Variants in HAS2 observed in about 807,000 individuals in gnomAD.
The protein encoded by HAS2 is hyaluronan synthase 2, also known as HA synthase 2.
HAS2 carries 16 observed loss-of-function variants against 51.6 expected under a neutral mutation model. The observed-to-expected ratio is 0.31, with a 90% confidence interval of 0.21 to 0.47. The LOEUF is 0.47. Ranked by LOEUF, HAS2 falls within the 20% of genes least tolerant of loss-of-function variation. The pLI is 1.00. For synonymous variants in HAS2, 228 were observed against 235.5 expected (o/e 0.97, Z 0.29); for missense variants, 361 against 662.6 (o/e 0.54, Z 5.00).
intron 2 of HAS2, 63 bp from the exon 3 acceptor site, chr8:121,617,269 A>G: frequency 3.1e-6 from 3 of 982,340 alleles, no homozygotes; most frequent in Non-Finnish European, 4.8e-6. Flanking sequence ...CATTCCCTGT[A>G]GTCAAAATTT....
chr8:121,630,683 T>TTTA (rs753229203), intron 1 of HAS2, among the ~76,000 whole-genome samples: 5 of 152,376 alleles, frequency 3.3e-5, no homozygotes, highest in Non-Finnish European at 5.9e-5. Flanking sequence ...GCTAAATAAG[T>TTTA]TTATTTTAAA....
chr8:121,614,848 T>C lies in HAS2; in HGVS notation c.920A>G (p.Asn307Ser). 1 of 1,614,210 alleles carries C rather than the reference T, an allele frequency of 6.2e-7. No homozygotes were observed. The highest frequency in any genetic ancestry group is 8.5e-7 in the Non-Finnish European group (1 of 1,180,022). Residue 307 changes from asparagine to serine, a missense_variant, in exon 4 of 4, where the codon AAC becomes AGC. Physicochemically the swap from Asn to Ser is conservative, Grantham distance 46 (BLOSUM62 1). Transcript: ENST00000303924. The surrounding 1 kb of genome is among the most constrained non-coding windows in gnomAD (Gnocchi z 7.2). ...EDWYNQEFMG[N>S]QCSFGDDRHL... Reference sequence around the variant, plus strand: ...CCTGTCATCACCAAAGCTACATTGGTTGCCCATAAATTCTTGATTGTACCA... The same window carrying C: ...CCTGTCATCACCAAAGCTACATTGGCTGCCCATAAATTCTTGATTGTACCA...
chr8:121,630,223 G>A (rs758425339), intron 1 of HAS2, among the ~76,000 whole-genome samples: 16 of 151,970 alleles, frequency 1.1e-4, no homozygotes, highest in Non-Finnish European at 2.2e-4. Context: ...ATACATTAAA[G>A]GACAAATAAC....
intron 3 of HAS2, among the ~76,000 whole-genome samples, chr8:121,615,456 C>T (rs1159504116): frequency 6.6e-6 from 1 of 152,226 alleles, no homozygotes; most frequent in East Asian, 1.9e-4. Flanking sequence ...CCTGCCTCAC[C>T]TGGGACTACA....
At chr8:121,630,609 C>A (rs1169627500) in intron 1 of HAS2, among the ~76,000 whole-genome samples, 2 of 152,040 alleles carry the variant, frequency 1.3e-5, no homozygotes, top group African/African-American at 4.8e-5. Flanking sequence ...CATTTTTGGG[C>A]TTTTCTCATA....
At chr8:121,623,505 T>G (rs1231614562) in intron 2 of HAS2, among the ~76,000 whole-genome samples, 2 of 152,122 alleles carry the variant, frequency 1.3e-5, no homozygotes, top group African/African-American at 4.8e-5. Context: ...AAAAGGCAGA[T>G]TAAAAGTGAG....
At chr8:121,640,683 A>G (rs1813081929) in intron 1 of HAS2, among the ~76,000 whole-genome samples, 170 bp downstream of exon 1, 1 of 152,192 alleles carries the variant, frequency 6.6e-6, no homozygotes, top group Non-Finnish European at 1.5e-5. Context: ...GCTAAGCCTG[A>G]CAGTGACCTG....
At chr8:121,626,559 C>T (rs1812856417) in intron 2 of HAS2, among the ~76,000 whole-genome samples, 1 of 152,222 alleles carries the variant, frequency 6.6e-6, no homozygotes, top group African/African-American at 2.4e-5. Context: ...ACTCCAAGTT[C>T]CATCACTTGT....
chr8:121,612,367 CTT>C lies in HAS2; in HGVS notation c.*1740_*1741del, dbSNP rs1812645022. On this transcript the variant is annotated 3_prime_UTR_variant, in exon 4 of 4. Coordinates refer to ENST00000303924, the MANE Select transcript of HAS2 (RefSeq NM_005328.3). ...CACAAGCTCTCCAATCAGTGAGAGT[CTT>C]GAGTCTCAGATGTACCTTTTTGTAC... is the stretch of plus-strand genomic sequence containing the variant. 1 of 152,108 alleles carries C rather than the reference CTT, an allele frequency of 6.6e-6. No homozygotes were observed. 9.4% of individuals were successfully genotyped at this position (152,108 alleles called of 1,614,324 possible).
rs749248013 is a variant in HAS2 at position 121,629,213 on chromosome 8, T to G, written c.128A>C (p.Tyr43Ser). The G allele has an allele frequency of 1.2e-6, 2 of 1,614,094 alleles. No homozygotes were observed. Among genetic ancestry groups the G allele is most frequent in the South Asian group, 1.1e-5 (1 of 91,086 alleles). The change falls in exon 2 of 4, where the codon TAT (tyrosine) becomes TCT (serine). Residue 43 changes from tyrosine (Y) to serine (S), a missense_variant. This residue lies in a region of HAS2 where 145 missense variants were observed against 217.6 expected (regional missense o/e 0.67). Transcript: ENST00000303924. ...GYQFIQTDNY[Y>S]FSFGLYGAFL... ...GGCACCATACAGTCCAAAAGAGAAATAGTAATTATCCGTTTGGATAAACTG... is the reference window on the plus strand; with the variant it reads ...GGCACCATACAGTCCAAAAGAGAAAGAGTAATTATCCGTTTGGATAAACTG...
At position 121,613,714 on chromosome 8, in the gene HAS2, A is replaced by T. The variant is rs1812665773; in HGVS notation, c.*395T>A. The T allele has an allele frequency of 6.0e-6, 1 of 166,056 alleles. No homozygotes were observed. The highest frequency in any genetic ancestry group is 2.4e-5 in the African/African-American group (1 of 41,698). The allele number at this position is 166,056 out of a possible 1,614,324, so 10.3% of individuals were successfully genotyped here. On this transcript the variant is annotated 3_prime_UTR_variant, in exon 4 of 4. Transcript: ENST00000303924. ...TCCTTCCTAAAAAAAAAAAATTATC[A>T]TCTATCAAAACAGTCCATAAGTTAG...
At chr8:121,623,925 C>T (rs1014745955) in intron 2 of HAS2, among the ~76,000 whole-genome samples, 3 of 152,136 alleles carry the variant, frequency 2.0e-5, no homozygotes, top group Non-Finnish European at 4.4e-5. Flanking sequence ...AGTTGATTAT[C>T]ATTATTTATG....
intron 1 of HAS2, among the ~76,000 whole-genome samples, chr8:121,633,038 C>G (rs1365984153): frequency 6.6e-6 from 1 of 152,034 alleles, no homozygotes; most frequent in South Asian, 2.1e-4. Context: ...ATATTTGAAT[C>G]CTCATGACAA....
At chr8:121,630,660 T>C (rs1812917283) in intron 1 of HAS2, among the ~76,000 whole-genome samples, 1 of 152,250 alleles carries the variant, frequency 6.6e-6, no homozygotes, top group Non-Finnish European at 1.5e-5. Context: ...TTTAATTCAA[T>C]TGATTTTTAA....
intron 2 of HAS2, among the ~76,000 whole-genome samples, chr8:121,617,980 TA>T (rs1013538946): frequency 6.7e-6 from 1 of 150,170 alleles, no homozygotes; most frequent in African/African-American, 2.5e-5. Context: ...TTGTTGTTTT[TA>T]AACACAATCT....
chr8:121,619,854 A>T (rs1812751677), intron 2 of HAS2, among the ~76,000 whole-genome samples: 1 of 152,224 alleles, frequency 6.6e-6, no homozygotes, highest in Non-Finnish European at 1.5e-5. Context: ...ACCAGGCTAA[A>T]ATAAGACTAA....
rs745568534 is a variant in HAS2 at position 121,629,349 on chromosome 8, T to A, written c.1-9A>T. On this transcript the variant is annotated splice_polypyrimidine_tract_variant and intron_variant, in intron 1 of 3. Coordinates refer to ENST00000303924, the MANE Select transcript of HAS2 (RefSeq NM_005328.3). ...AACCTCTCACAATGCATCTGTAATATAATCAGATGATACTCTTGGTTAACC... is the reference window on the plus strand; with the variant it reads ...AACCTCTCACAATGCATCTGTAATAAAATCAGATGATACTCTTGGTTAACC... 1.3e-5 allele frequency: 20 copies of A among 1,591,526 alleles called. 1 individual carries two copies. The South Asian group carries it at 2.1e-4, about 17-fold the overall frequency.
intron 2 of HAS2, among the ~76,000 whole-genome samples, chr8:121,623,318 A>C (rs1252191482): frequency 6.6e-6 from 1 of 152,158 alleles, no homozygotes; most frequent in Non-Finnish European, 1.5e-5. Flanking sequence ...AAGGTGCAAA[A>C]CAAAGGTGAC....
In HAS2 at chr8:121,613,196, T is replaced by C. The variant is rs1179210710; in HGVS notation, c.*913A>G. 6.6e-6 allele frequency: 1 copy of C among 152,110 alleles called. No homozygotes were observed. The highest frequency in any genetic ancestry group is 1.5e-5 in the Non-Finnish European group (1 of 68,018). The allele number at this position is 152,110 out of a possible 1,614,324, so 9.4% of individuals were successfully genotyped here. A position where few individuals can be genotyped will look rare whatever the true frequency, so the allele number is the denominator to read the frequency against. On this transcript the variant is annotated 3_prime_UTR_variant, in exon 4 of 4. Coordinates refer to ENST00000303924, the MANE Select transcript of HAS2 (RefSeq NM_005328.3). The stretch of plus-strand genomic sequence containing the variant: ...TTTCTTTCAAAGACTATCATTCCCT[T>C]TTTTTTAAATCTTAATGAAAAAATT...
Sources: allele counts gnomAD v4.1 joint callset (sites outside exome capture counted in the v4.1 genomes callset), GRCh38; gene constraint gnomAD v4.1.1; regional missense constraint gnomAD v4.1.1; non-coding constraint Gnocchi (gnomAD v3.1); transcripts MANE v1.5; gene names NCBI Gene and HGNC (gene_info 2026-07-23, HGNC 2026-07-21).